Variants in ACSBG2 observed in about 807,000 individuals in gnomAD.
ACSBG2 encodes the protein long-chain-fatty-acid--CoA ligase ACSBG2.
A neutral mutation model predicts 74.7 loss-of-function variants in ACSBG2; 62 were observed. That is an observed-to-expected ratio of 0.83 (90% CI 0.68 to 1.03). The LOEUF (loss-of-function observed/expected upper bound fraction) is 1.03, where lower values mean the gene tolerates loss of function less well. Among genes scored for constraint, ACSBG2 ranks in the 50% least tolerant of loss-of-function variants. The pLI is 0.00. For synonymous variants in ACSBG2, 309 were observed against 294.1 expected (o/e 1.05, Z -0.52); for missense variants, 730 against 817.6 (o/e 0.89, Z 1.31).
intron 12 of ACSBG2, 45 bp downstream of exon 12, chr19:6,187,467 C>T (rs762767973): frequency 2.7e-5 from 44 of 1,608,838 alleles, no homozygotes; most frequent in Middle Eastern, 3.3e-4. Context: ...TGCAGCCGGT[C>T]TTGGGTTCCC....
intron 6 of ACSBG2, among the ~76,000 whole-genome samples, chr19:6,161,766 C>G (rs16993415): frequency 0.013 from 1,927 of 152,010 alleles, 36 homozygotes; most frequent in African/African-American, 0.045. Context: ...GTAGGCGGGA[C>G]CTTTGGGACG....
At chr19:6,153,543 C>A (rs1005664228) in intron 4 of ACSBG2, among the ~76,000 whole-genome samples, 13 of 151,930 alleles carry the variant, frequency 8.6e-5, no homozygotes, top group African/African-American at 3.1e-4. Context: ...ACGGCCATGA[C>A]AAAATTGAGC....
intron 2 of ACSBG2, 68 bp from the exon 3 acceptor site, chr19:6,147,378 C>T: frequency 7.3e-7 from 1 of 1,368,966 alleles, no homozygotes; most frequent in South Asian, 1.2e-5. Flanking sequence ...AAGACACCAA[C>T]CGCCCCCCGT....
chr19:6,153,754 G>A (rs1005736245), intron 4 of ACSBG2, among the ~76,000 whole-genome samples: 9 of 152,098 alleles, frequency 5.9e-5, no homozygotes, highest in Admixed American at 3.9e-4. Context: ...AGGCAGAGGT[G>A]GGAGGATGGC....
chr19:6,164,848 T>C (rs971843565), intron 6 of ACSBG2, among the ~76,000 whole-genome samples: 1 of 152,190 alleles, frequency 6.6e-6, no homozygotes, highest in African/African-American at 2.4e-5. Context: ...AGAGTTCACT[T>C]TGCGGCACCG....
At chr19:6,153,721 G>A (rs2089311700) in intron 4 of ACSBG2, among the ~76,000 whole-genome samples, 1 of 152,062 alleles carries the variant, frequency 6.6e-6, no homozygotes, top group Non-Finnish European at 1.5e-5. Flanking sequence ...GGTGGTGTGT[G>A]CCTGTAGTCC....
chr19:6,177,875 A>AGT (rs3036311), intron 8 of ACSBG2, among the ~76,000 whole-genome samples: 7,750 of 143,444 alleles, frequency 0.054, 209 homozygotes, highest in South Asian at 0.097. Flanking sequence ...GAAAGTAAAG[A>AGT]GTGTGTGTGT....
Position 6,184,854 on chromosome 19 carries a change from A to AC in ACSBG2, c.1323-582_1323-581insC, listed in dbSNP as rs1184543104. 2.4e-4 allele frequency among the ~76,000 whole-genome samples: 33 copies of AC among 137,712 alleles called. 1 individual carries two copies. Among genetic ancestry groups the AC allele is most frequent in the African/African-American group, 1.0e-3 (33 of 32,266 alleles). 90.3% of individuals were successfully genotyped at this position (137,712 alleles called of 152,430 possible). On this transcript the variant is annotated intron_variant, in intron 10 of 14. Coordinates refer to ENST00000588485, the MANE Select transcript of ACSBG2 (RefSeq NM_030924.5). The stretch of plus-strand genomic sequence containing the variant: ...GATGAAAAAAAAAAAAAAAAAAAAA[A>AC]AAAAAAAAAAAAAAAAAACGAAAAA...
chr19:6,164,036 T>C (rs1180437790), intron 6 of ACSBG2, among the ~76,000 whole-genome samples: 1 of 151,984 alleles, frequency 6.6e-6, no homozygotes, highest in Non-Finnish European at 1.5e-5. Flanking sequence ...ACTGTGACAT[T>C]TGGGAAGGAA....
In ACSBG2 at chr19:6,161,228, G is replaced by A. The variant is rs751383304; in HGVS notation, c.521G>A (p.Ser174Asn). 4.3e-6 allele frequency: 7 copies of A among 1,613,486 alleles called. No individual in the cohort carries two copies. Among genetic ancestry groups the A allele is most frequent in the Non-Finnish European group, 5.9e-6 (7 of 1,179,650 alleles). The change falls in exon 6 of 15, where the codon AGC (serine) becomes AAC (asparagine). Residue 174 changes from serine (S) to asparagine (N), a missense_variant. Ser to Asn is a conservative substitution (Grantham distance 46). Transcript: ENST00000588485. ...LQKILSIPQSSLEPLKAIIQY... is the reference protein window; with the variant it reads ...LQKILSIPQSNLEPLKAIIQY... ...ACTTTCTTTCAGATTCCACAGAGCAGCCTAGAGCCCCTAAAAGCGATCATC... is the reference window on the plus strand; with the variant it reads ...ACTTTCTTTCAGATTCCACAGAGCAACCTAGAGCCCCTAAAAGCGATCATC...
intron 7 of ACSBG2, among the ~76,000 whole-genome samples, chr19:6,173,310 C>T (rs2090010638): frequency 6.6e-6 from 1 of 152,182 alleles, no homozygotes; most frequent in Non-Finnish European, 1.5e-5. Context: ...CCAGGCAGGG[C>T]AGTGGCACCA....
chr19:6,156,509 C>T lies in ACSBG2; in HGVS notation c.465C>T (p.Ile155=). The change falls in exon 5 of 15, where the codon ATC becomes ATT. Residue 155 remains isoleucine, a synonymous_variant. Coordinates refer to ENST00000588485, the MANE Select transcript of ACSBG2 (RefSeq NM_030924.5). ...QYVITHAKVN[I]LLVENDQQLQ... is the part of the protein sequence containing the mutation. The stretch of plus-strand genomic sequence containing the variant: ...TCATCACTCATGCCAAAGTGAACAT[C>T]TTGCTGGTTGAGAATGATCAACAGT... 1 of 1,596,038 alleles carries T rather than the reference C, an allele frequency of 6.3e-7. No individual in the cohort carries two copies. Among genetic ancestry groups the T allele is most frequent in the Non-Finnish European group, 8.5e-7 (1 of 1,171,174 alleles).
rs1275353887 is a variant in ACSBG2 at position 6,163,403 on chromosome 19, T to A, written c.588+2108T>A. 7.2e-5 allele frequency among the ~76,000 whole-genome samples: 6 copies of A among 83,192 alleles called. 2 individuals carry two copies. Among genetic ancestry groups the A allele is most frequent in the Non-Finnish European group, 1.7e-4 (6 of 36,142 alleles). The allele number at this position is 83,192 out of a possible 152,430, so 54.6% of individuals were successfully genotyped here. A position where few individuals can be genotyped will look rare whatever the true frequency, so the allele number is the denominator to read the frequency against. On this transcript the variant is annotated intron_variant, in intron 6 of 14. Coordinates refer to ENST00000588485, the MANE Select transcript of ACSBG2 (RefSeq NM_030924.5). ...AAGCGGAGGTTGCAGTGAGCCGAGATAGTGCCACTGCACTCAAGCCTGGCG... is the reference window on the plus strand; with the variant it reads ...AAGCGGAGGTTGCAGTGAGCCGAGAAAGTGCCACTGCACTCAAGCCTGGCG...
chr19:6,146,257 G>A (rs8106174), intron 2 of ACSBG2, among the ~76,000 whole-genome samples: 2,010 of 151,760 alleles, frequency 0.013, 43 homozygotes, highest in African/African-American at 0.046. Context: ...ATCACTTGAC[G>A]TCAGGAGTTC....
At chr19:6,187,257 A>T (rs1335089674) in intron 11 of ACSBG2, 26 bp from the exon 12 acceptor site, 2 of 1,613,650 alleles carry the variant, frequency 1.2e-6, no homozygotes, top group South Asian at 2.2e-5. Flanking sequence ...ATGGCTGGAC[A>T]TGTACCAAGC....
intron 1 of ACSBG2, among the ~76,000 whole-genome samples, chr19:6,140,274 G>A (rs896233972): frequency 2.0e-5 from 3 of 150,056 alleles, no homozygotes; most frequent in Non-Finnish European, 4.4e-5. Flanking sequence ...CAACCTGAAG[G>A]AGTGGTGGTA....
chr19:6,149,806 C>A (rs914639482), intron 3 of ACSBG2, among the ~76,000 whole-genome samples: 20 of 141,824 alleles, frequency 1.4e-4, no homozygotes, highest in African/African-American at 5.9e-4. Flanking sequence ...CCACACCTGG[C>A]CTCAAGAGAT....
At chr19:6,140,659 G>A (rs1303176040) in intron 1 of ACSBG2, among the ~76,000 whole-genome samples, 5 of 152,140 alleles carry the variant, frequency 3.3e-5, no homozygotes, top group Non-Finnish European at 5.9e-5. Flanking sequence ...CAGCCTAGGC[G>A]ACAAAACCAA....
intron 1 of ACSBG2, among the ~76,000 whole-genome samples, chr19:6,139,697 G>C (rs1599977148): frequency 6.6e-6 from 1 of 152,140 alleles, no homozygotes; most frequent in East Asian, 1.9e-4. Flanking sequence ...AATAAATGTT[G>C]ACCAACAATT....
Sources: allele counts gnomAD v4.1 joint callset (sites outside exome capture counted in the v4.1 genomes callset), GRCh38; gene constraint gnomAD v4.1.1; transcripts MANE v1.5; gene names NCBI Gene and HGNC (gene_info 2026-07-23, HGNC 2026-07-21).